The following PIK3C2A variants were observed in gnomAD, a reference collection of about 807,000 sequenced individuals.
The protein encoded by PIK3C2A is phosphatidylinositol-4-phosphate 3-kinase catalytic subunit type 2 alpha, also known as phosphatidylinositol 4-phosphate 3-kinase C2 domain-containing subunit alpha.
PIK3C2A carries 97 observed loss-of-function variants against 204.5 expected under a neutral mutation model. The ratio of observed to expected loss-of-function variants is 0.47; its 90% confidence interval spans 0.40 to 0.56. The LOEUF is 0.56. PIK3C2A is among the 20% of genes least tolerant of loss of function. PIK3C2A has a pLI of 0.00. For missense variants in PIK3C2A, 1,735 were observed against 1,969.2 expected (o/e 0.88, Z 2.25); for synonymous variants, 653 against 664.4 (o/e 0.98, Z 0.26).
chr11:17,107,392 T>G (rs1848860260), intron 22 of PIK3C2A, among the ~76,000 whole-genome samples: 1 of 151,752 alleles, frequency 6.6e-6, no homozygotes, highest in East Asian at 1.9e-4. Context: ...GAGGGAGGAA[T>G]TATGTGCTTT....
chr11:17,132,764 G>C (rs1209033860), intron 11 of PIK3C2A, among the ~76,000 whole-genome samples: 1 of 152,220 alleles, frequency 6.6e-6, no homozygotes, highest in Non-Finnish European at 1.5e-5. Flanking sequence ...CCTTTGCTAA[G>C]CTACTGAAAT....
intron 1 of PIK3C2A, among the ~76,000 whole-genome samples, chr11:17,206,514 TAA>T (rs1052392220): frequency 2.2e-5 from 3 of 133,862 alleles, no homozygotes; most frequent in African/African-American, 5.5e-5. Flanking sequence ...AGATCAAATT[TAA>T]AAAAAAAAAA....
At chr11:17,096,984 A>T in intron 27 of PIK3C2A, 73 bp downstream of exon 27, 1 of 868,196 alleles carries the variant, frequency 1.2e-6, no homozygotes, top group South Asian at 1.5e-5. Flanking sequence ...ACTTTAGCAG[A>T]ATCAGCAAAG....
At chr11:17,166,235 T>TA (rs946050906) in intron 2 of PIK3C2A, among the ~76,000 whole-genome samples, 9 of 149,570 alleles carry the variant, frequency 6.0e-5, no homozygotes, top group Non-Finnish European at 7.4e-5. Context: ...TCTCAGTGAT[T>TA]AAAAAAAAAA....
intron 11 of PIK3C2A, 138 bp downstream of exon 11, chr11:17,134,681 T>C (rs1277886511): frequency 3.1e-6 from 2 of 651,336 alleles, no homozygotes; most frequent in Admixed American, 5.6e-5. Flanking sequence ...TTTAAAATTC[T>C]TTTTAGTAGA....
chr11:17,094,196 C>T, intron 28 of PIK3C2A, 65 bp downstream of exon 28: 1 of 1,257,314 alleles, frequency 8.0e-7, no homozygotes. Context: ...ACAAAGCTTT[C>T]TACCTACATT....
rs775725350 is a variant in PIK3C2A at position 17,145,871 on chromosome 11, G to A, written c.1632C>T (p.Ala544=). 26 of 1,612,968 alleles carry A rather than the reference G, an allele frequency of 1.6e-5. No individual in the cohort carries two copies. In the South Asian group the frequency reaches 2.9e-4, roughly 18 times the overall value. ...LYQIEKPCKE[A]MTRHPVEELL... The stretch of plus-strand genomic sequence containing the variant: ...TGCTTTAGATGATATACCTCGTCAT[G>A]GCTTCTTTGCAAGGTTTTTCTATTT... Residue 544 remains alanine (A), a synonymous_variant, in exon 7 of 33, where the codon GCC becomes GCT. Coordinates refer to ENST00000691414, the MANE Select transcript of PIK3C2A (RefSeq NM_002645.4).
chr11:17,130,885 T>G (rs1849671360), intron 12 of PIK3C2A, among the ~76,000 whole-genome samples: 1 of 151,246 alleles, frequency 6.6e-6, no homozygotes. Flanking sequence ...TGTACATGGA[T>G]TTAAGATAAT....
At position 17,088,896 on chromosome 11, in the gene PIK3C2A, T is replaced by C. The variant is rs894232606; in HGVS notation, c.*842A>G. 6.6e-6 allele frequency: 1 copy of C among 152,246 alleles called. No individual in the cohort carries two copies. Among genetic ancestry groups the C allele is most frequent in the East Asian group, 1.9e-4 (1 of 5,200 alleles). 9.4% of individuals were successfully genotyped at this position (152,246 alleles called of 1,614,324 possible). A position where few individuals can be genotyped will look rare whatever the true frequency, so the allele number is the denominator to read the frequency against. On this transcript the variant is annotated 3_prime_UTR_variant, in exon 33 of 33. Transcript: ENST00000691414. ...ATTTTAATGGAATGATAGAATTTAT[T>C]GTACAATCACATTGGTGAGTCTTAT...
intron 23 of PIK3C2A, among the ~76,000 whole-genome samples, chr11:17,104,929 C>T (rs1356880142): frequency 1.3e-5 from 2 of 152,004 alleles, no homozygotes; most frequent in Non-Finnish European, 2.9e-5. Context: ...CTCTGTTTTG[C>T]TGGCCTCTAA....
chr11:17,096,854 T>C (rs974580614), intron 27 of PIK3C2A, among the ~76,000 whole-genome samples: 6 of 152,244 alleles, frequency 3.9e-5, no homozygotes, highest in Non-Finnish European at 1.5e-5. Context: ...TCGGTCCTTA[T>C]TGTTTGAAGC....
intron 8 of PIK3C2A, among the ~76,000 whole-genome samples, chr11:17,144,894 CAAAAAAAAAAAAAAA>C (rs35069519): frequency 1.3e-5 from 1 of 78,088 alleles, no homozygotes; most frequent in Non-Finnish European, 2.4e-5. Flanking sequence ...GACTCAGCCT[CAAAAAAAAAAAAAAA>C]AAAAAAAAAA....
chr11:17,185,880 G>A (rs1184328169), intron 1 of PIK3C2A, among the ~76,000 whole-genome samples: 1 of 152,048 alleles, frequency 6.6e-6, no homozygotes, highest in African/African-American at 2.4e-5. Context: ...CCCACCTTCA[G>A]ACTATCCTCA....
intron 11 of PIK3C2A, among the ~76,000 whole-genome samples, chr11:17,133,406 C>T (rs1015367265): frequency 5.3e-5 from 8 of 151,944 alleles, no homozygotes; most frequent in African/African-American, 1.2e-4. Context: ...ACTGAATCCC[C>T]GGTACTAAGA....
At chr11:17,199,084 ACTCCAGC>A (rs1158498394) in intron 1 of PIK3C2A, among the ~76,000 whole-genome samples, 4 of 150,880 alleles carry the variant, frequency 2.7e-5, no homozygotes, top group African/African-American at 9.8e-5. Context: ...ATGCCATTGC[ACTCCAGC>A]CTGGGCAACA....
rs569028179 is a variant in PIK3C2A, at chr11:17,086,866, A to G, written c.*2872T>C. On this transcript the variant is annotated 3_prime_UTR_variant, in exon 33 of 33. Transcript: ENST00000691414. ...AATGTTTTCTTTTTTAAATGTCACAATATTTGAATCCTAGAAAGAATAGGC... is the reference window on the plus strand; with the variant it reads ...AATGTTTTCTTTTTTAAATGTCACAGTATTTGAATCCTAGAAAGAATAGGC... 1 of 152,204 alleles carries G rather than the reference A, an allele frequency of 6.6e-6. No individual in the cohort carries two copies. The highest frequency in any genetic ancestry group is 1.5e-5 in the Non-Finnish European group (1 of 68,026). The allele number at this position is 152,204 out of a possible 1,614,324, so 9.4% of individuals were successfully genotyped here. A position where few individuals can be genotyped will look rare whatever the true frequency, so the allele number is the denominator to read the frequency against.
intron 1 of PIK3C2A, among the ~76,000 whole-genome samples, chr11:17,181,699 C>CAA (rs1591006195): frequency 6.3e-5 from 8 of 127,652 alleles, no homozygotes; most frequent in Admixed American, 1.7e-4. Context: ...CACACAAACA[C>CAA]ACACACACGA....
At chr11:17,107,845 T>C (rs1038571511) in intron 22 of PIK3C2A, among the ~76,000 whole-genome samples, 3 of 152,182 alleles carry the variant, frequency 2.0e-5, no homozygotes, top group African/African-American at 2.4e-5. Context: ...TAGTTACATA[T>C]GGCAGAATGA....
Position 17,169,109 on chromosome 11 carries a change from G to A in PIK3C2A, c.633C>T (p.Ser211=), listed in dbSNP as rs760770477. 3 of 1,614,196 alleles carry A rather than the reference G, an allele frequency of 1.9e-6. 1 individual carries two copies. The highest frequency in any genetic ancestry group is 2.2e-5 in the South Asian group (2 of 91,088). ...TGACTACTGGACGATAGATAGGTAAGCTTCCTTGTGGATGAAAGGGTGTGG... is the reference window on the plus strand; with the variant it reads ...TGACTACTGGACGATAGATAGGTAAACTTCCTTGTGGATGAAAGGGTGTGG... The part of the protein sequence containing the change: ...TPATPFHPQG[S]LPIYRPVVST... The change falls in exon 2 of 33, where the codon AGC becomes AGT. Residue 211 remains serine (S), a synonymous_variant. Transcript: ENST00000691414.
Sources: gnomAD v4.1 joint callset for allele counts (sites outside exome capture counted in the v4.1 genomes callset) on GRCh38, gnomAD v4.1.1 for gene constraint, MANE v1.5 for transcripts, NCBI Gene and HGNC (gene_info 2026-07-23, HGNC 2026-07-21) for gene names.